ANKIB1: variants seen among roughly 807,000 people sequenced by gnomAD.
The protein encoded by ANKIB1 is ankyrin repeat and IBR domain containing 1, also known as ankyrin repeat and IBR domain-containing protein 1.
A neutral mutation model predicts 122.1 loss-of-function variants in ANKIB1; 43 were observed. That is an observed-to-expected ratio of 0.35 (90% confidence interval 0.28 to 0.45). The LOEUF (loss-of-function observed/expected upper bound fraction) is 0.45. Ranked by LOEUF, ANKIB1 falls within the 20% of genes least tolerant of loss-of-function variation. The pLI is 1.00. For synonymous variants in ANKIB1, 390 were observed against 442.0 expected, an observed-to-expected ratio of 0.88 and a Z score of 1.48; for missense variants, 992 against 1,329.5, an observed-to-expected ratio of 0.75 and a Z score of 3.95.
intron 11 of ANKIB1, among the ~76,000 whole-genome samples, chr7:92,374,941 A>G (rs1804349290): frequency 6.6e-6 from 1 of 152,218 alleles, no homozygotes; most frequent in Non-Finnish European, 1.5e-5. Context: ...AGATACAGCC[A>G]TATCTCAGAG....
In ANKIB1 at chr7:92,399,645, A is replaced by T. The variant is rs1384549939; in HGVS notation, c.*696A>T. 6.6e-6 allele frequency: 1 copy of T among 152,226 alleles called. No homozygotes were observed. The highest frequency in any genetic ancestry group is 1.5e-5 in the Non-Finnish European group (1 of 68,046). 9.4% of individuals were successfully genotyped at this position (152,226 alleles called of 1,614,324 possible). ...GGGCAGTGTCAGCGTTCTCGGGAGT[A>T]AAAGGTGCCACTTGGTAGCAATGAT... On this transcript the variant is annotated 3_prime_UTR_variant, in exon 20 of 20. Coordinates refer to ENST00000265742, the MANE Select transcript of ANKIB1 (RefSeq NM_019004.2).
intron 2 of ANKIB1, among the ~76,000 whole-genome samples, chr7:92,300,516 A>G (rs910085960): frequency 3.3e-5 from 5 of 152,060 alleles, no homozygotes; most frequent in African/African-American, 1.2e-4. Context: ...TTGGAAATTT[A>G]TTTAGATAGT....
chr7:92,250,218 A>G (rs1801297351), intron 1 of ANKIB1, among the ~76,000 whole-genome samples: 1 of 151,922 alleles, frequency 6.6e-6, no homozygotes, highest in Non-Finnish European at 1.5e-5. Context: ...ACATAGAGAA[A>G]CCCCATCTCT....
chr7:92,296,839 G>A (rs866544901), intron 2 of ANKIB1, among the ~76,000 whole-genome samples: 6 of 151,862 alleles, frequency 4.0e-5, no homozygotes, highest in Middle Eastern at 3.2e-3. Context: ...AATAATTTAG[G>A]TCATCCAGGC....
At chr7:92,301,822 T>G (rs1479982460) in intron 2 of ANKIB1, among the ~76,000 whole-genome samples, 1 of 152,224 alleles carries the variant, frequency 6.6e-6, no homozygotes, top group Non-Finnish European at 1.5e-5. Flanking sequence ...TTAGATTTAG[T>G]CCTACTTTAC....
At chr7:92,351,552 T>C (rs1803662994) in intron 8 of ANKIB1, among the ~76,000 whole-genome samples, 1 of 152,148 alleles carries the variant, frequency 6.6e-6, no homozygotes, top group African/African-American at 2.4e-5. Flanking sequence ...TGAATTATAA[T>C]GTTTATTTCA....
chr7:92,331,268 CT>C (rs1438187815), intron 5 of ANKIB1, among the ~76,000 whole-genome samples: 2,493 of 135,694 alleles, frequency 0.018, 17 homozygotes, highest in Middle Eastern at 0.034. Flanking sequence ...AACATCACTT[CT>C]TTTTTTTTTT....
At chr7:92,269,604 T>C (rs140033908) in intron 1 of ANKIB1, among the ~76,000 whole-genome samples, 1 of 152,336 alleles carries the variant, frequency 6.6e-6, no homozygotes, top group East Asian at 1.9e-4. Flanking sequence ...TGCCCTGTTA[T>C]AGACTAGAAT....
At chr7:92,328,226 G>C (rs1011111041) in intron 5 of ANKIB1, among the ~76,000 whole-genome samples, 6 of 152,020 alleles carry the variant, frequency 3.9e-5, no homozygotes, top group East Asian at 1.9e-4. Flanking sequence ...TCCTAGCCCT[G>C]GTTTTGACAT....
At chr7:92,344,061 G>C (rs1343020938) in intron 6 of ANKIB1, among the ~76,000 whole-genome samples, 1 of 152,088 alleles carries the variant, frequency 6.6e-6, no homozygotes, top group Non-Finnish European at 1.5e-5. Context: ...TATGTAACGT[G>C]ATAAATTTTG....
intron 5 of ANKIB1, among the ~76,000 whole-genome samples, chr7:92,328,785 C>T (rs1465631146): frequency 6.6e-6 from 1 of 151,476 alleles, no homozygotes; most frequent in African/African-American, 2.4e-5. Context: ...ATGCCATCTT[C>T]CAAAATTTTT....
chr7:92,307,348 T>G lies in ANKIB1; in HGVS notation c.189-11T>G. ...TTTCATCCTTTATTTTTCCCTTTCTTTCCATTTTAGGACTTTTCTTGGTAG... is the reference window on the plus strand; with the variant it reads ...TTTCATCCTTTATTTTTCCCTTTCTGTCCATTTTAGGACTTTTCTTGGTAG... On this transcript the variant is annotated splice_polypyrimidine_tract_variant and intron_variant, in intron 2 of 19. Transcript: ENST00000265742. The G allele has an allele frequency of 6.3e-7, 1 of 1,598,490 alleles. No individual in the cohort carries two copies. The highest frequency in any genetic ancestry group is 8.5e-7 in the Non-Finnish European group (1 of 1,170,812).
At chr7:92,371,860 A>G (rs560209047) in intron 11 of ANKIB1, among the ~76,000 whole-genome samples, 1 of 152,046 alleles carries the variant, frequency 6.6e-6, no homozygotes, top group Admixed American at 6.6e-5. Flanking sequence ...AACCTATGGT[A>G]TTCAACCAGA....
intron 9 of ANKIB1, among the ~76,000 whole-genome samples, chr7:92,361,425 T>C (rs1803942366): frequency 6.6e-6 from 1 of 152,182 alleles, no homozygotes; most frequent in Admixed American, 6.5e-5. Flanking sequence ...ATGAAGAAGG[T>C]TCATTTGGTA....
chr7:92,308,971 C>T (rs1055645566), intron 3 of ANKIB1, among the ~76,000 whole-genome samples: 16 of 152,024 alleles, frequency 1.1e-4, no homozygotes, highest in Admixed American at 1.0e-3. Context: ...TTCATGTATA[C>T]TTTAGACTTC....
chr7:92,393,773 C>T (rs957831942), intron 17 of ANKIB1, among the ~76,000 whole-genome samples: 3 of 152,058 alleles, frequency 2.0e-5, no homozygotes, highest in African/African-American at 7.2e-5. Context: ...AAACACTAGG[C>T]TTTTACGTAA....
intron 9 of ANKIB1, among the ~76,000 whole-genome samples, chr7:92,355,474 C>T (rs564920944): frequency 6.6e-6 from 1 of 152,178 alleles, no homozygotes; most frequent in African/African-American, 2.4e-5. Context: ...AACTGAAAAC[C>T]TTATTTGGAA....
chr7:92,350,888 T>C (rs1033696793), intron 7 of ANKIB1, 62 bp from the exon 8 acceptor site: 1 of 1,466,712 alleles, frequency 6.8e-7, no homozygotes, highest in African/African-American at 1.4e-5. Context: ...AGGAAAATTC[T>C]TAGAATGTAT....
At chr7:92,284,353 C>T (rs1284776768) in intron 1 of ANKIB1, among the ~76,000 whole-genome samples, 3 of 152,220 alleles carry the variant, frequency 2.0e-5, no homozygotes, top group South Asian at 2.1e-4. Context: ...CCCTGATTGC[C>T]GTTACATTTC....
Sources: allele counts gnomAD v4.1 joint callset (sites outside exome capture counted in the v4.1 genomes callset), GRCh38; gene constraint gnomAD v4.1.1; transcripts MANE v1.5; gene names NCBI Gene and HGNC (gene_info 2026-07-23, HGNC 2026-07-21).